The following CNBD1 variants were observed in gnomAD, a reference collection of about 807,000 sequenced individuals.
CNBD1 encodes the protein cyclic nucleotide-binding domain-containing protein 1.
A neutral mutation model predicts 54.4 loss-of-function variants in CNBD1; 71 were observed. The observed-to-expected ratio is 1.30, with a 90% CI of 1.08 to 1.59. CNBD1 has a LOEUF of 1.59. Among genes scored for constraint, CNBD1 ranks in the 40% most tolerant of loss-of-function variants. The probability of loss-of-function intolerance (pLI) is 0.00; values close to 1 mark genes in which losing one functional copy is unlikely to be tolerated. For synonymous variants in CNBD1, 182 were observed against 170.7 expected, an observed-to-expected ratio of 1.07 and a Z score of -0.51; for missense variants, 659 against 518.0, an observed-to-expected ratio of 1.27 and a Z score of -2.64.
chr8:87,190,816 G>A (rs1198449470), intron 4 of CNBD1, among the ~76,000 whole-genome samples: 1 of 150,952 alleles, frequency 6.6e-6, no homozygotes, highest in Non-Finnish European at 1.5e-5. Flanking sequence ...CAGAGGTACA[G>A]AACCAATAGG....
intron 3 of CNBD1, among the ~76,000 whole-genome samples, chr8:86,931,675 G>T (rs777734108): frequency 6.6e-6 from 1 of 152,044 alleles, no homozygotes. Context: ...GAACACCAAG[G>T]TTGCCAGGTT....
rs927314837 is a variant in CNBD1 at position 87,132,021 on chromosome 8, A to G, written c.432-73972A>G. ...TTCTTAGTTCTCAGTTTTATGTTGT[A>G]GCACTTTAAACATTGCTACAGTTTC... On this transcript the variant is annotated intron_variant, in intron 4 of 10. Transcript: ENST00000518476. Among the ~76,000 whole-genome samples the G allele has an allele frequency of 2.0e-5, 3 of 151,998 alleles. No homozygotes were observed. The East Asian group carries it at 5.8e-4, about 29-fold the overall frequency.
intron 10 of CNBD1, among the ~76,000 whole-genome samples, chr8:87,360,139 A>G (rs1358613341): frequency 2.6e-5 from 4 of 152,022 alleles, no homozygotes; most frequent in East Asian, 1.9e-4. Flanking sequence ...CAAAGAGAGC[A>G]ATTCACTCAC....
chr8:86,893,735 A>G (rs1008133631), intron 2 of CNBD1, among the ~76,000 whole-genome samples: 3 of 152,172 alleles, frequency 2.0e-5, no homozygotes, highest in Non-Finnish European at 2.9e-5. Context: ...GCTGACATTC[A>G]AAAAATACTT....
chr8:87,303,174 G>A (rs1420247542), intron 8 of CNBD1, among the ~76,000 whole-genome samples: 1 of 151,674 alleles, frequency 6.6e-6, no homozygotes, highest in Non-Finnish European at 1.5e-5. Flanking sequence ...AGCCTGCATT[G>A]CCAAGTCAAT....
chr8:87,020,087 CA>C (rs2130574993), intron 4 of CNBD1, among the ~76,000 whole-genome samples: 1 of 152,060 alleles, frequency 6.6e-6, no homozygotes, highest in African/African-American at 2.4e-5. Flanking sequence ...CTTGGATGCC[CA>C]AACCTTCACT....
At chr8:86,908,858 C>A (rs1270671375) in intron 3 of CNBD1, among the ~76,000 whole-genome samples, 1 of 147,868 alleles carries the variant, frequency 6.8e-6, no homozygotes, top group Non-Finnish European at 1.5e-5. Context: ...CTCCGCCTCC[C>A]AGGTTCAAGT....
intron 6 of CNBD1, among the ~76,000 whole-genome samples, chr8:87,260,720 A>G (rs1437054720): frequency 6.6e-6 from 1 of 151,884 alleles, no homozygotes; most frequent in East Asian, 1.9e-4. Context: ...CCAACCCACA[A>G]CACAGAAGAA....
At chr8:87,264,103 C>T (rs1412736042) in intron 6 of CNBD1, among the ~76,000 whole-genome samples, 1 of 152,002 alleles carries the variant, frequency 6.6e-6, no homozygotes, top group East Asian at 1.9e-4. Context: ...CCCATTAACT[C>T]GTCATTTAAC....
At chr8:87,198,956 G>T (rs1360949908) in intron 4 of CNBD1, among the ~76,000 whole-genome samples, 2 of 152,204 alleles carry the variant, frequency 1.3e-5, no homozygotes, top group Non-Finnish European at 2.9e-5. Flanking sequence ...CAATCATCTT[G>T]CAAGGTGAAA....
At chr8:87,371,809 A>C (rs571671572) in intron 10 of CNBD1, among the ~76,000 whole-genome samples, 2 of 152,138 alleles carry the variant, frequency 1.3e-5, no homozygotes, top group South Asian at 4.1e-4. Context: ...AAAAACTCTC[A>C]ATAAATTAGG....
At chr8:87,306,456 G>A (rs1364694319) in intron 8 of CNBD1, among the ~76,000 whole-genome samples, 2 of 152,258 alleles carry the variant, frequency 1.3e-5, no homozygotes, top group Non-Finnish European at 2.9e-5. Flanking sequence ...ACGCATGTTT[G>A]TAGCAGCATG....
At chr8:87,078,838 G>C (rs1442347673) in intron 4 of CNBD1, among the ~76,000 whole-genome samples, 2 of 152,004 alleles carry the variant, frequency 1.3e-5, no homozygotes, top group African/African-American at 4.8e-5. Context: ...ATGGTCTATA[G>C]GTATATATAG....
At chr8:87,061,668 G>A (rs1388548898) in intron 4 of CNBD1, among the ~76,000 whole-genome samples, 1 of 152,222 alleles carries the variant, frequency 6.6e-6, no homozygotes, top group Non-Finnish European at 1.5e-5. Flanking sequence ...ATTTCAAATA[G>A]CCTAATTTGT....
intron 5 of CNBD1, among the ~76,000 whole-genome samples, chr8:87,214,128 T>C (rs1814158204): frequency 6.6e-6 from 1 of 152,228 alleles, no homozygotes; most frequent in African/African-American, 2.4e-5. Flanking sequence ...GCTACTTTCA[T>C]GGGCTAGTGT....
At chr8:86,880,482 G>T (rs1234884094) in intron 1 of CNBD1, among the ~76,000 whole-genome samples, 1 of 152,128 alleles carries the variant, frequency 6.6e-6, no homozygotes, top group East Asian at 1.9e-4. Flanking sequence ...ATGTGCATAG[G>T]TTATCTGAAA....
At chr8:87,145,498 A>C (rs1812464610) in intron 4 of CNBD1, among the ~76,000 whole-genome samples, 9 of 152,160 alleles carry the variant, frequency 5.9e-5, no homozygotes, top group Admixed American at 5.2e-4. Context: ...ATCATAGGCA[A>C]ATAATCTAGA....
intron 2 of CNBD1, among the ~76,000 whole-genome samples, chr8:87,427,710 C>T (rs1808073570): frequency 6.6e-6 from 1 of 152,092 alleles, no homozygotes; most frequent in African/African-American, 2.4e-5. Flanking sequence ...TTTTTGATTT[C>T]AAGTAAGAAT....
chr8:87,139,713 G>A (rs528431286), intron 4 of CNBD1, among the ~76,000 whole-genome samples: 1 of 152,258 alleles, frequency 6.6e-6, no homozygotes, highest in South Asian at 2.1e-4. Context: ...AGGACCGGAA[G>A]AAATGGGTGG....
Sources: allele counts gnomAD v4.1 joint callset (sites outside exome capture counted in the v4.1 genomes callset), GRCh38; gene constraint gnomAD v4.1.1; transcripts MANE v1.5; gene names NCBI Gene and HGNC (gene_info 2026-07-23, HGNC 2026-07-21).